Variants in NRXN1 observed in about 807,000 individuals in gnomAD.
NRXN1 encodes neurexin-1.
NRXN1 carries 39 observed loss-of-function variants against 150.9 expected under a neutral mutation model. That is an observed-to-expected ratio of 0.26 (90% CI 0.20 to 0.34). The LOEUF is 0.34. Ranked by LOEUF, NRXN1 falls within the 10% of genes least tolerant of loss-of-function variation. The pLI, the probability that NRXN1 is intolerant of heterozygous loss-of-function variation, is 1.00. For missense variants in NRXN1, 1,815 were observed against 1,949.9 expected (o/e 0.93, Z 1.30); for synonymous variants, 924 against 757.0 (o/e 1.22, Z -3.62).
At chr2:50,093,372 T>C (rs1056471185) in intron 18 of NRXN1, among the ~76,000 whole-genome samples, 11 of 151,708 alleles carry the variant, frequency 7.3e-5, no homozygotes, top group Admixed American at 6.6e-5. Flanking sequence ...TCCCAGCAGT[T>C]TGGGAGGCCA....
chr2:50,750,873 T>TA (rs1432649099), intron 5 of NRXN1, among the ~76,000 whole-genome samples: 2 of 152,030 alleles, frequency 1.3e-5, no homozygotes, highest in Non-Finnish European at 2.9e-5. Context: ...TAAGAAAACA[T>TA]AAAGAATGCA....
chr2:50,670,661 G>A (rs867081039), intron 5 of NRXN1, among the ~76,000 whole-genome samples: 17 of 151,836 alleles, frequency 1.1e-4, no homozygotes, highest in Non-Finnish European at 4.4e-5. Context: ...ATTTAGGATC[G>A]TACCTCACAT....
chr2:50,561,022 C>G (rs1668996234), intron 8 of NRXN1, among the ~76,000 whole-genome samples: 2 of 152,142 alleles, frequency 1.3e-5, no homozygotes, highest in Admixed American at 1.3e-4. Context: ...GTTTACACAA[C>G]AAAGAGAAAA....
intron 17 of NRXN1, among the ~76,000 whole-genome samples, chr2:50,376,368 A>G (rs80059752): frequency 1.1e-4 from 14 of 131,892 alleles, no homozygotes; most frequent in African/African-American, 4.6e-4. Context: ...AAGCAAAATG[A>G]AAAAAAAAAA....
At chr2:50,608,439 C>A (rs1045920962) in intron 8 of NRXN1, among the ~76,000 whole-genome samples, 3 of 152,064 alleles carry the variant, frequency 2.0e-5, no homozygotes, top group Non-Finnish European at 2.9e-5. Context: ...TGGTTCACAT[C>A]CACAGCTTGT....
At chr2:50,606,528 T>C (rs973707831) in intron 8 of NRXN1, among the ~76,000 whole-genome samples, 1 of 151,424 alleles carries the variant, frequency 6.6e-6, no homozygotes, top group Admixed American at 6.6e-5. Context: ...CTGTATAACA[T>C]TGTGCCTCTA....
At chr2:50,569,192 T>C (rs2105445780) in intron 8 of NRXN1, among the ~76,000 whole-genome samples, 1 of 152,208 alleles carries the variant, frequency 6.6e-6, no homozygotes, top group Admixed American at 6.5e-5. Context: ...AACAAAAATA[T>C]AATTAGACAG....
chr2:50,868,914 C>T (rs1677356060), intron 5 of NRXN1, among the ~76,000 whole-genome samples: 1 of 151,796 alleles, frequency 6.6e-6, no homozygotes, highest in African/African-American at 2.4e-5. Flanking sequence ...AATATAAAAG[C>T]TTATCATCTT....
chr2:50,608,094 C>T (rs1677431606), intron 8 of NRXN1, among the ~76,000 whole-genome samples: 1 of 151,980 alleles, frequency 6.6e-6, no homozygotes, highest in East Asian at 1.9e-4. Flanking sequence ...GATGCTGAGA[C>T]TCCAACTGTA....
chr2:50,683,646 A>AAATATATATATATATATATATATATATAT, intron 5 of NRXN1, among the ~76,000 whole-genome samples: 1 of 14,910 alleles, frequency 6.7e-5, no homozygotes, highest in Admixed American at 1.1e-3. Flanking sequence ...AAAAAAAAAA[A>AAATATATATATATATATATATATATATAT]ATATATATAT....
chr2:50,929,001 T>C (rs149796917), intron 2 of NRXN1, among the ~76,000 whole-genome samples: 43 of 152,186 alleles, frequency 2.8e-4, no homozygotes, highest in Non-Finnish European at 5.3e-4. Context: ...TCAGATAGGA[T>C]GGGCTTCTCT....
chr2:50,110,446 C>G (rs1194590531), intron 18 of NRXN1, among the ~76,000 whole-genome samples: 1 of 142,032 alleles, frequency 7.0e-6, no homozygotes, highest in Non-Finnish European at 1.5e-5. Flanking sequence ...GAGCTGAGAT[C>G]GCGCCACCGC....
intron 5 of NRXN1, among the ~76,000 whole-genome samples, chr2:50,811,770 A>C (rs1668246997): frequency 6.6e-6 from 1 of 152,186 alleles, no homozygotes; most frequent in Admixed American, 6.5e-5. Flanking sequence ...AAAATCTAAT[A>C]GAGACTTTCA....
chr2:50,981,474 A>C (rs1393848404), intron 2 of NRXN1, among the ~76,000 whole-genome samples: 2 of 150,302 alleles, frequency 1.3e-5, no homozygotes, highest in Admixed American at 1.3e-4. Context: ...AAAAAAAAAA[A>C]AAAAAAAAAG....
intron 19 of NRXN1, among the ~76,000 whole-genome samples, chr2:50,068,786 T>C (rs1695762133): frequency 6.6e-6 from 1 of 152,234 alleles, no homozygotes; most frequent in Non-Finnish European, 1.5e-5. Context: ...TTTACCCATC[T>C]GATCATAGAA....
At chr2:50,676,686 A>G (rs968511865) in intron 5 of NRXN1, among the ~76,000 whole-genome samples, 7 of 152,312 alleles carry the variant, frequency 4.6e-5, no homozygotes, top group Admixed American at 1.3e-4. Flanking sequence ...TATTATAAAA[A>G]TCAAGAACCA....
chr2:50,484,386 CTT>C (rs2090715832), intron 15 of NRXN1, among the ~76,000 whole-genome samples: 2 of 152,162 alleles, frequency 1.3e-5, no homozygotes, highest in South Asian at 4.1e-4. Context: ...TCTCCAAACA[CTT>C]TGTTCTTCCA....
chr2:50,335,323 G>A (rs80179613), intron 17 of NRXN1, among the ~76,000 whole-genome samples: 9 of 152,158 alleles, frequency 5.9e-5, no homozygotes, highest in African/African-American at 1.4e-4. Context: ...TAAGGTATAC[G>A]CATCAAAATG....
intron 2 of NRXN1, among the ~76,000 whole-genome samples, chr2:50,941,593 C>T (rs920966143): frequency 1.3e-5 from 2 of 152,094 alleles, no homozygotes; most frequent in South Asian, 2.1e-4. Context: ...TTTCTCCTGC[C>T]CTAGAGATCT....
Sources: allele counts gnomAD v4.1 joint callset (sites outside exome capture counted in the v4.1 genomes callset), GRCh38; gene constraint gnomAD v4.1.1; transcripts MANE v1.5; gene names NCBI Gene and HGNC (gene_info 2026-07-23, HGNC 2026-07-21).